HDAC9: variants seen among roughly 807,000 people sequenced by gnomAD.
HDAC9 encodes the protein MEF-2 interacting transcription repressor (MITR) protein.
A neutral mutation model predicts 139.4 loss-of-function variants in HDAC9; 41 were observed. The observed-to-expected ratio is 0.29, with a 90% confidence interval of 0.23 to 0.38. The LOEUF is 0.38. Among genes scored for constraint, HDAC9 ranks in the 10% least tolerant of loss-of-function variants. HDAC9 has a pLI of 1.00. For synonymous variants in HDAC9, 517 were observed against 476.2 expected (o/e 1.09, Z -1.12); for missense variants, 1,147 against 1,297.0 (o/e 0.88, Z 1.78).
At position 18,996,974 on chromosome 7, in the gene HDAC9, T is replaced by G. The variant is rs1786502606; in HGVS notation, c.*912T>G. On this transcript the variant is annotated 3_prime_UTR_variant, in exon 26 of 26. Transcript: ENST00000686413. The stretch of plus-strand genomic sequence containing the variant: ...AATTTGTTGCATATCTATCAAGGAC[T>G]TATTCACTCACCTTTCCTTTTCTGC... 1 of 152,212 alleles carries G rather than the reference T, an allele frequency of 6.6e-6. No individual in the cohort carries two copies. Among genetic ancestry groups the G allele is most frequent in the Non-Finnish European group, 1.5e-5 (1 of 68,044 alleles). 9.4% of individuals were successfully genotyped at this position (152,212 alleles called of 1,614,324 possible).
chr7:18,651,169 G>A (rs1433221756), intron 11 of HDAC9, among the ~76,000 whole-genome samples: 1 of 152,110 alleles, frequency 6.6e-6, no homozygotes, highest in South Asian at 2.1e-4. Flanking sequence ...ACATGTTTCT[G>A]TATAATATAT....
intron 17 of HDAC9, among the ~76,000 whole-genome samples, chr7:18,803,836 G>A (rs913547910): frequency 1.3e-5 from 2 of 152,032 alleles, no homozygotes; most frequent in Non-Finnish European, 2.9e-5. Flanking sequence ...GTGATATTTT[G>A]TGATATATCC....
chr7:18,115,116 C>T (rs1487787490), intron 1 of HDAC9, among the ~76,000 whole-genome samples: 1 of 151,972 alleles, frequency 6.6e-6, no homozygotes, highest in Non-Finnish European at 1.5e-5. Flanking sequence ...ACGGTGAAAC[C>T]CCATCTCTAC....
intron 2 of HDAC9, among the ~76,000 whole-genome samples, chr7:18,531,824 C>T (rs571594017): frequency 2.1e-4 from 32 of 151,848 alleles, no homozygotes; most frequent in African/African-American, 7.2e-4. Context: ...TCAATGCAAA[C>T]AAGTAAAGGA....
chr7:18,231,317 T>C (rs1793445974), intron 2 of HDAC9, among the ~76,000 whole-genome samples: 1 of 152,202 alleles, frequency 6.6e-6, no homozygotes, highest in African/African-American at 2.4e-5. Flanking sequence ...TTGCATAGAC[T>C]CATTGGGTAA....
At chr7:18,486,742 T>A (rs968656326) in intron 1 of HDAC9, among the ~76,000 whole-genome samples, 2 of 152,156 alleles carry the variant, frequency 1.3e-5, no homozygotes, top group Non-Finnish European at 2.9e-5. Flanking sequence ...ATGTTTTATA[T>A]TGATAATATG....
chr7:18,717,202 G>A (rs1784765220), intron 12 of HDAC9, among the ~76,000 whole-genome samples: 1 of 151,946 alleles, frequency 6.6e-6, no homozygotes, highest in Non-Finnish European at 1.5e-5. Flanking sequence ...AGGGAAGACT[G>A]GTAGAAAACA....
intron 16 of HDAC9, among the ~76,000 whole-genome samples, chr7:18,787,233 G>A (rs1004508602): frequency 2.0e-5 from 3 of 151,902 alleles, no homozygotes; most frequent in Non-Finnish European, 4.4e-5. Context: ...CTTTCTTATG[G>A]GCCAAGCTCC....
chr7:18,145,599 A>G (rs1786256261), intron 1 of HDAC9, among the ~76,000 whole-genome samples: 1 of 152,234 alleles, frequency 6.6e-6, no homozygotes, highest in Admixed American at 6.5e-5. Context: ...ACTATATATT[A>G]GTACTATAAC....
chr7:18,822,964 G>T (rs1795100747), intron 17 of HDAC9, among the ~76,000 whole-genome samples: 1 of 152,104 alleles, frequency 6.6e-6, no homozygotes, highest in South Asian at 2.1e-4. Flanking sequence ...ATAACATTAT[G>T]ATATAATACT....
At chr7:18,978,998 G>A (rs1784728587) in intron 25 of HDAC9, among the ~76,000 whole-genome samples, 1 of 151,968 alleles carries the variant, frequency 6.6e-6, no homozygotes, top group Non-Finnish European at 1.5e-5. Context: ...AGTTAGATTT[G>A]CAGTTGTCAT....
At chr7:18,672,423 G>T (rs1197776588) in intron 12 of HDAC9, among the ~76,000 whole-genome samples, 2 of 151,994 alleles carry the variant, frequency 1.3e-5, no homozygotes, top group Admixed American at 6.6e-5. Flanking sequence ...TTGTTGAGTT[G>T]TAAGTGCTTT....
intron 1 of HDAC9, among the ~76,000 whole-genome samples, chr7:18,133,898 A>G (rs912507805): frequency 1.5e-4 from 22 of 149,982 alleles, no homozygotes; most frequent in African/African-American, 5.4e-4. Flanking sequence ...AAAAATATCT[A>G]TATCTATATA....
chr7:18,206,032 T>C (rs940239399), intron 2 of HDAC9, among the ~76,000 whole-genome samples: 3 of 152,250 alleles, frequency 2.0e-5, no homozygotes, highest in African/African-American at 7.2e-5. Flanking sequence ...TAACTTTTAA[T>C]AGTTAAAATT....
intron 6 of HDAC9, among the ~76,000 whole-genome samples, chr7:18,616,484 C>T (rs1417457145): frequency 2.0e-5 from 3 of 152,072 alleles, no homozygotes; most frequent in Admixed American, 6.6e-5. Context: ...CTGAATGAAT[C>T]TAGAGGTGAA....
At chr7:18,475,572 A>G (rs948830352) in intron 1 of HDAC9, among the ~76,000 whole-genome samples, 1 of 152,104 alleles carries the variant, frequency 6.6e-6, no homozygotes, top group African/African-American at 2.4e-5. Context: ...ATGGAGATGC[A>G]TTTTTTTCTA....
At chr7:18,180,265 A>ACACCCCCCCC (rs568367952) in intron 2 of HDAC9, among the ~76,000 whole-genome samples, 8 of 151,212 alleles carry the variant, frequency 5.3e-5, no homozygotes, top group Non-Finnish European at 1.0e-4. Context: ...ACACACACAC[A>ACACCCCCCCC]CACACACACC....
chr7:18,824,870 C>T (rs1387440727), intron 17 of HDAC9, among the ~76,000 whole-genome samples: 1 of 152,044 alleles, frequency 6.6e-6, no homozygotes, highest in African/African-American at 2.4e-5. Flanking sequence ...GCAGCATATT[C>T]AATGAATGCA....
At chr7:18,464,489 C>G (rs1794104005) in intron 1 of HDAC9, among the ~76,000 whole-genome samples, 1 of 151,940 alleles carries the variant, frequency 6.6e-6, no homozygotes, top group Non-Finnish European at 1.5e-5. Context: ...TCATCTGTGT[C>G]ATCTTGATTT....
Sources: gnomAD v4.1 joint callset for allele counts (sites outside exome capture counted in the v4.1 genomes callset) on GRCh38, gnomAD v4.1.1 for gene constraint, MANE v1.5 for transcripts, NCBI Gene and HGNC (gene_info 2026-07-23, HGNC 2026-07-21) for gene names.